The following KALRN variants were observed in gnomAD, a reference collection of about 807,000 sequenced individuals.
KALRN encodes kalirin.
A neutral mutation model predicts 353.7 loss-of-function variants in KALRN; 70 were observed. The ratio of observed to expected loss-of-function variants is 0.20; its 90% CI spans 0.16 to 0.24. KALRN has a LOEUF of 0.24. Ranked by LOEUF, KALRN falls within the 10% of genes least tolerant of loss-of-function variation. The pLI is 1.00. For synonymous variants in KALRN, 1,391 were observed against 1,434.8 expected, an observed-to-expected ratio of 0.97 and a Z score of 0.69; for missense variants, 2,791 against 3,756.7, an observed-to-expected ratio of 0.74 and a Z score of 6.72.
chr3:124,505,141 A>G (rs916998614), intron 33 of KALRN, among the ~76,000 whole-genome samples: 1 of 152,112 alleles, frequency 6.6e-6, no homozygotes, highest in Non-Finnish European at 1.5e-5. Flanking sequence ...CTTCTGTATC[A>G]ATTAAGGAGA....
chr3:124,615,777 G>A (rs2078518857), intron 34 of KALRN, among the ~76,000 whole-genome samples: 1 of 152,224 alleles, frequency 6.6e-6, no homozygotes, highest in East Asian at 1.9e-4. Context: ...CCGGTAGCAA[G>A]GAGGCCAGAG....
chr3:124,638,611 C>CT (rs2149920291), intron 37 of KALRN, among the ~76,000 whole-genome samples: 1 of 152,190 alleles, frequency 6.6e-6, no homozygotes, highest in South Asian at 2.1e-4. Context: ...CTTTTACCAT[C>CT]TGAGCATGGG....
chr3:124,661,167 A>G (rs1322905165), intron 44 of KALRN, among the ~76,000 whole-genome samples, 194 bp downstream of exon 44: 1 of 152,120 alleles, frequency 6.6e-6, no homozygotes, highest in Non-Finnish European at 1.5e-5. Flanking sequence ...AGAACTAAAG[A>G]AATCTGTCCT....
intron 1 of KALRN, among the ~76,000 whole-genome samples, chr3:124,142,077 C>A (rs1365490106): frequency 6.6e-6 from 1 of 152,226 alleles, no homozygotes; most frequent in Non-Finnish European, 1.5e-5. Flanking sequence ...CCCCTCCATT[C>A]TCAATTCCTC....
chr3:124,210,621 G>A (rs1363783998), intron 1 of KALRN, among the ~76,000 whole-genome samples: 1 of 152,134 alleles, frequency 6.6e-6, no homozygotes, highest in East Asian at 1.9e-4. Context: ...AGGCCAGAAA[G>A]GGGAGAAAGA....
At chr3:124,273,840 T>C (rs1417999994) in intron 5 of KALRN, among the ~76,000 whole-genome samples, 1 of 152,214 alleles carries the variant, frequency 6.6e-6, no homozygotes, top group Non-Finnish European at 1.5e-5. Context: ...CTATAACTAA[T>C]GGGCCTGTCC....
intron 5 of KALRN, among the ~76,000 whole-genome samples, chr3:124,269,650 A>G (rs1420213335): frequency 6.6e-6 from 1 of 152,232 alleles, no homozygotes; most frequent in Non-Finnish European, 1.5e-5. Context: ...CAAGCCAGCT[A>G]AGGAACAAAA....
In KALRN at chr3:124,334,223, A is replaced by G. The variant is rs1350125546; in HGVS notation, c.1417-42A>G. On this transcript the variant is annotated intron_variant, in intron 8 of 59. Transcript: ENST00000682506. This position sits in a 1 kb window ranked among gnomAD's most constrained non-coding sequence, Gnocchi z 4.2. ...TCCTGCTTCTCTCTGTGCCCTGCCT[A>G]TCACCCTTTTCCCTTAACTTAAACT... The G allele has an allele frequency of 5.9e-6, 9 of 1,534,270 alleles. No individual in the cohort carries two copies. The highest frequency in any genetic ancestry group is 8.1e-6 in the Non-Finnish European group (9 of 1,107,484).
intron 33 of KALRN, chr3:124,519,282 A>G: frequency 1.0e-6 from 1 of 966,252 alleles, no homozygotes; most frequent in Non-Finnish European, 1.2e-6. Context: ...CATTCATTAT[A>G]CCATTCTCCC....
rs767529555 is a variant in KALRN, at chr3:124,455,322, G to A, written c.3698G>A (p.Arg1233Gln). ...RDFSLRMGKY[R>Q]YSLEKALGVN... ...TTCTCCCTGAGGATGGGAAAGTACC[G>A]ATACTCACTGGAGAAAGCCCTAGGA... The change falls in exon 22 of 60, where the codon CGA becomes CAA. Residue 1233 changes from arginine to glutamine, a missense_variant. Coordinates refer to ENST00000682506, the MANE Select transcript of KALRN (RefSeq NM_001388419.1). 6.8e-6 allele frequency: 11 copies of A among 1,614,014 alleles called. No individual in the cohort carries two copies. Among genetic ancestry groups the A allele is most frequent in the African/African-American group, 6.7e-5 (5 of 74,910 alleles).
chr3:124,667,262 T>C, intron 47 of KALRN, 79 bp downstream of exon 47: 1 of 1,276,620 alleles, frequency 7.8e-7, no homozygotes, highest in Admixed American at 2.5e-5. Flanking sequence ...TCTAGGTTCA[T>C]GTTGAGTTAT....
At chr3:124,412,463 T>G (rs1382466376) in intron 13 of KALRN, among the ~76,000 whole-genome samples, 13 of 152,212 alleles carry the variant, frequency 8.5e-5, no homozygotes, top group Non-Finnish European at 1.8e-4. Context: ...TAGCATGAGA[T>G]AGCAGATCTG....
At chr3:124,455,137 T>C in intron 21 of KALRN, 40 bp from the exon 22 acceptor site, 3 of 1,608,676 alleles carry the variant, frequency 1.9e-6, no homozygotes, top group South Asian at 2.2e-5. Flanking sequence ...GGCAGGAGAA[T>C]AAATGTAATC....
intron 3 of KALRN, among the ~76,000 whole-genome samples, chr3:124,238,187 C>T (rs2080020153): frequency 6.6e-6 from 1 of 152,048 alleles, no homozygotes; most frequent in Non-Finnish European, 1.5e-5. Context: ...ATCCATGTCT[C>T]CACAGTTGAA....
chr3:124,584,786 C>G, intron 34 of KALRN: 2 of 1,578,746 alleles, frequency 1.3e-6, no homozygotes, highest in African/African-American at 2.7e-5. Context: ...GGCTGGCGCC[C>G]CGTGCCATGC....
intron 1 of KALRN, among the ~76,000 whole-genome samples, chr3:124,221,920 A>G (rs1234960351): frequency 2.0e-5 from 3 of 152,160 alleles, no homozygotes; most frequent in Non-Finnish European, 4.4e-5. Context: ...TGAGATGGGC[A>G]CTGTGTTCTC....
intron 1 of KALRN, among the ~76,000 whole-genome samples, chr3:124,038,748 C>T (rs2039658553): frequency 6.6e-6 from 1 of 152,212 alleles, no homozygotes; most frequent in Non-Finnish European, 1.5e-5. Flanking sequence ...CAATCTCAGA[C>T]TCAACTCTGT....
At chr3:124,084,111 C>T (rs907563754) in intron 1 of KALRN, among the ~76,000 whole-genome samples, 4 of 152,160 alleles carry the variant, frequency 2.6e-5, no homozygotes, top group African/African-American at 7.2e-5. Flanking sequence ...CAGAAATGGC[C>T]GACCTCTGCT....
At chr3:124,555,466 G>A (rs2071126512) in intron 33 of KALRN, among the ~76,000 whole-genome samples, 1 of 147,068 alleles carries the variant, frequency 6.8e-6, no homozygotes. Flanking sequence ...AATAAATAAA[G>A]TTATCTTGTT....
Sources: gnomAD v4.1 joint callset for allele counts (sites outside exome capture counted in the v4.1 genomes callset) on GRCh38, gnomAD v4.1.1 for gene constraint, Gnocchi (gnomAD v3.1) non-coding constraint, MANE v1.5 for transcripts, NCBI Gene and HGNC (gene_info 2026-07-23, HGNC 2026-07-21) for gene names.